NUP107: variants seen among roughly 807,000 people sequenced by gnomAD.
NUP107 encodes nucleoporin 107.
Under a neutral mutation model 141.0 loss-of-function variants are expected in NUP107, and 101 were observed. That is an observed-to-expected ratio of 0.72 (90% CI 0.61 to 0.84). NUP107 has a LOEUF of 0.84. Among genes scored for constraint, NUP107 ranks in the 40% least tolerant of loss-of-function variants. The pLI is 0.00. For synonymous variants in NUP107, 319 were observed against 363.9 expected (o/e 0.88, Z 1.41); for missense variants, 941 against 1,102.7 (o/e 0.85, Z 2.08).
chr12:68,687,194 G>T, intron 1 of NUP107, 121 bp downstream of exon 1: 2 of 1,376,502 alleles, frequency 1.5e-6, no homozygotes, highest in South Asian at 1.2e-5. Flanking sequence ...TTCCCCTAAG[G>T]CTCCTTCCCC....
chr12:68,724,642 T>C (rs556898093), intron 17 of NUP107, among the ~76,000 whole-genome samples: 1 of 152,044 alleles, frequency 6.6e-6, no homozygotes, highest in South Asian at 2.1e-4. Flanking sequence ...TAGCCGGGTG[T>C]GGTGGCATGC....
At chr12:68,731,397 T>G (rs1236235409) in intron 21 of NUP107, 137 bp downstream of exon 21, 5 of 929,966 alleles carry the variant, frequency 5.4e-6, no homozygotes, top group Non-Finnish European at 4.5e-6. Flanking sequence ...AGGGAATTTC[T>G]GTTTTAGGAC....
intron 10 of NUP107, among the ~76,000 whole-genome samples, chr12:68,711,333 A>G (rs541692189): frequency 3.4e-4 from 52 of 152,180 alleles, no homozygotes; most frequent in Non-Finnish European, 6.0e-4. Flanking sequence ...CCTGGGTGAC[A>G]GAGTGAGACC....
intron 8 of NUP107, among the ~76,000 whole-genome samples, chr12:68,707,908 C>G (rs890612834): frequency 2.2e-4 from 33 of 152,130 alleles, no homozygotes; most frequent in Non-Finnish European, 1.5e-4. Flanking sequence ...ATCAGCCTGG[C>G]CAACATGGTG....
At chr12:68,722,014 T>C (rs572828759) in intron 16 of NUP107, 28 bp downstream of exon 16, 2 of 1,613,018 alleles carry the variant, frequency 1.2e-6, no homozygotes, top group Non-Finnish European at 1.7e-6. Context: ...TTTTGAGTCA[T>C]GGTGATTTGT....
At chr12:68,739,637 A>G (rs1342835224) in intron 26 of NUP107, 1 of 152,368 alleles carries the variant, frequency 6.6e-6, no homozygotes, top group Non-Finnish European at 1.5e-5. Context: ...GGAGATCGAG[A>G]CCATCCTGGC....
intron 25 of NUP107, 66 bp downstream of exon 25, chr12:68,734,899 A>G: frequency 6.6e-7 from 1 of 1,521,466 alleles, no homozygotes; most frequent in South Asian, 1.3e-5. Flanking sequence ...ATATTTAAAG[A>G]GATCGTTTCT....
At chr12:68,688,251 C>T (rs551827728) in intron 1 of NUP107, among the ~76,000 whole-genome samples, 1 of 151,994 alleles carries the variant, frequency 6.6e-6, no homozygotes, top group African/African-American at 2.4e-5. Flanking sequence ...GGTTGTTTCC[C>T]ATACTTTCCT....
intron 24 of NUP107, among the ~76,000 whole-genome samples, chr12:68,734,372 C>T (rs1416263936): frequency 6.6e-6 from 1 of 152,184 alleles, no homozygotes; most frequent in African/African-American, 2.4e-5. Context: ...CTGTGGATAG[C>T]ACCCTATCCT....
chr12:68,705,551 A>AG, intron 8 of NUP107: 1 of 262,122 alleles, frequency 3.8e-6, no homozygotes, highest in Admixed American at 4.5e-5. Context: ...AAAAAAAAAA[A>AG]AGAATCACCA....
intron 20 of NUP107, among the ~76,000 whole-genome samples, chr12:68,729,324 C>T (rs886734082): frequency 3.3e-5 from 5 of 151,912 alleles, no homozygotes; most frequent in Admixed American, 6.6e-5. Context: ...AATGTGTGTA[C>T]GTTTTGATAA....
At chr12:68,707,224 C>G (rs905656052) in intron 8 of NUP107, among the ~76,000 whole-genome samples, 3 of 152,208 alleles carry the variant, frequency 2.0e-5, no homozygotes, top group South Asian at 2.1e-4. Context: ...GGGTACCCCC[C>G]TTGCCCATGC....
Position 68,743,638 on chromosome 12 carries a change from T to G in NUP107, c.*1176T>G, listed in dbSNP as rs1878407412. ...CACCAAATAGGCTAGAGTGTAGGGC[T>G]TATAAACAGGAGACAACTAAAAGAA... On this transcript the variant is annotated 3_prime_UTR_variant, in exon 28 of 28. Coordinates refer to ENST00000229179, the MANE Select transcript of NUP107 (RefSeq NM_020401.4). 1 of 152,090 alleles carries G rather than the reference T, an allele frequency of 6.6e-6. No individual in the cohort carries two copies. Among genetic ancestry groups the G allele is most frequent in the African/African-American group, 2.4e-5 (1 of 41,416 alleles). 9.4% of individuals were successfully genotyped at this position (152,090 alleles called of 1,614,324 possible). A position where few individuals can be genotyped will look rare whatever the true frequency, so the allele number is the denominator to read the frequency against.
chr12:68,726,447 T>G, intron 18 of NUP107, 52 bp from the exon 19 acceptor site: 1 of 1,186,132 alleles, frequency 8.4e-7, no homozygotes, highest in Non-Finnish European at 1.3e-6. Context: ...ATGTTTATTT[T>G]TTTCTTTTGA....
chr12:68,724,966 C>T (rs1877499473), intron 17 of NUP107, among the ~76,000 whole-genome samples: 1 of 152,052 alleles, frequency 6.6e-6, no homozygotes, highest in African/African-American at 2.4e-5. Flanking sequence ...GAGAACTTAA[C>T]AGATGTCAGA....
chr12:68,697,177 CA>C (rs1247848453), intron 6 of NUP107, among the ~76,000 whole-genome samples: 5 of 152,172 alleles, frequency 3.3e-5, no homozygotes, highest in Middle Eastern at 3.4e-3. Context: ...CCTGTAATCC[CA>C]ATGCTTTGGG....
At position 68,726,504 on chromosome 12, in the gene NUP107, A is replaced by G. The variant is rs555915631; in HGVS notation, c.1582A>G (p.Met528Val). ...TTCACTTTGATGGCTTGTAGGTTTGATGGATGAGTTTAGCAAATGGCTTTC... is the reference window on the plus strand; with the variant it reads ...TTCACTTTGATGGCTTGTAGGTTTGGTGGATGAGTTTAGCAAATGGCTTTC... ...FLILGDIDGLMDEFSKWLSKS... is the reference protein window; with the variant it reads ...FLILGDIDGLVDEFSKWLSKS... Residue 528 changes from methionine to valine, a missense_variant, in exon 19 of 28, where the codon ATG becomes GTG. Coordinates refer to ENST00000229179, the MANE Select transcript of NUP107 (RefSeq NM_020401.4). 3.7e-5 allele frequency: 60 copies of G among 1,605,980 alleles called. No homozygotes were observed. The South Asian group carries it at 6.4e-4, about 17-fold the overall frequency.
At chr12:68,697,959 C>T (rs112874237) in intron 6 of NUP107, among the ~76,000 whole-genome samples, 7,515 of 149,316 alleles carry the variant, frequency 0.05, 623 homozygotes, top group African/African-American at 0.18. Flanking sequence ...ACCTGGGAGG[C>T]GGAAGTTGCA....
At chr12:68,714,653 T>C (rs1877021477) in intron 11 of NUP107, among the ~76,000 whole-genome samples, 1 of 152,234 alleles carries the variant, frequency 6.6e-6, no homozygotes, top group Non-Finnish European at 1.5e-5. Context: ...ACATTAAAAT[T>C]GTTTTCCATT....
Sources: gnomAD v4.1 joint callset for allele counts (sites outside exome capture counted in the v4.1 genomes callset) on GRCh38, gnomAD v4.1.1 for gene constraint, MANE v1.5 for transcripts, NCBI Gene and HGNC (gene_info 2026-07-23, HGNC 2026-07-21) for gene names.